LEPR: variants seen among roughly 807,000 people sequenced by gnomAD.
LEPR encodes the protein leptin receptor, also known as OB receptor.
A neutral mutation model predicts 114.7 loss-of-function variants in LEPR; 56 were observed. The ratio of observed to expected loss-of-function variants is 0.49; its 90% confidence interval spans 0.39 to 0.61. LEPR has a LOEUF of 0.61. LEPR is among the 20% of genes least tolerant of loss of function. LEPR has a pLI of 0.00. For missense variants in LEPR, 1,202 were observed against 1,352.9 expected (o/e 0.89, Z 1.75); for synonymous variants, 443 against 461.4 (o/e 0.96, Z 0.51).
At chr1:65,608,595 C>G (rs1351881959) in intron 11 of LEPR, among the ~76,000 whole-genome samples, 158 bp from the exon 12 acceptor site, 1 of 152,022 alleles carries the variant, frequency 6.6e-6, no homozygotes, top group Admixed American at 6.6e-5. Context: ...TTTAATATAT[C>G]ACATAAAGTA....
At chr1:65,497,402 G>A (rs533561937) in intron 2 of LEPR, among the ~76,000 whole-genome samples, 5 of 152,092 alleles carry the variant, frequency 3.3e-5, no homozygotes, top group South Asian at 2.1e-4. Context: ...TCAGATAATC[G>A]AAGGCAGAAT....
chr1:65,437,112 A>G (rs1397092389), intron 2 of LEPR, among the ~76,000 whole-genome samples: 1 of 152,196 alleles, frequency 6.6e-6, no homozygotes, highest in East Asian at 1.9e-4. Context: ...AATCCACTTA[A>G]CCACTGATGG....
chr1:65,443,672 T>C (rs1454263047), intron 2 of LEPR, among the ~76,000 whole-genome samples: 6 of 152,156 alleles, frequency 3.9e-5, no homozygotes, highest in Non-Finnish European at 7.4e-5. Context: ...TCTTTTGGAA[T>C]CCTTTCTTCA....
At chr1:65,431,334 C>T (rs1435035286) in intron 2 of LEPR, among the ~76,000 whole-genome samples, 1 of 152,202 alleles carries the variant, frequency 6.6e-6, no homozygotes, top group Non-Finnish European at 1.5e-5. Context: ...GTAAAACCAT[C>T]TACAAACCAT....
chr1:65,426,737 G>A (rs573411973), intron 2 of LEPR, among the ~76,000 whole-genome samples: 13 of 152,268 alleles, frequency 8.5e-5, no homozygotes, highest in South Asian at 6.2e-4. Context: ...CATGGCTCAC[G>A]CCTGTAATCC....
chr1:65,481,696 A>G (rs1031495313), intron 2 of LEPR, among the ~76,000 whole-genome samples: 1 of 151,978 alleles, frequency 6.6e-6, no homozygotes, highest in South Asian at 2.1e-4. Flanking sequence ...TTACAGCAAT[A>G]TGTATAGGAA....
intron 2 of LEPR, among the ~76,000 whole-genome samples, chr1:65,551,824 C>T (rs1364763356): frequency 1.3e-5 from 2 of 152,162 alleles, no homozygotes; most frequent in African/African-American, 2.4e-5. Flanking sequence ...ATCTTTCCTG[C>T]TTTCTCTTGT....
chr1:65,566,188 C>A (rs563829575), intron 3 of LEPR, among the ~76,000 whole-genome samples: 108 of 146,170 alleles, frequency 7.4e-4, no homozygotes, highest in African/African-American at 2.5e-3. Context: ...AAAAATATTT[C>A]TGTAGATTAA....
intron 2 of LEPR, among the ~76,000 whole-genome samples, chr1:65,445,935 C>G (rs1330444605): frequency 2.0e-5 from 3 of 152,112 alleles, no homozygotes; most frequent in Non-Finnish European, 4.4e-5. Flanking sequence ...TTCAATATTT[C>G]TATGCTTAAT....
At chr1:65,516,461 A>G (rs578098945) in intron 2 of LEPR, among the ~76,000 whole-genome samples, 9 of 152,108 alleles carry the variant, frequency 5.9e-5, no homozygotes, top group African/African-American at 2.2e-4. Flanking sequence ...AACAAACCAA[A>G]CCAAACCAAA....
At chr1:65,453,585 C>G (rs1419727308) in intron 2 of LEPR, among the ~76,000 whole-genome samples, 2 of 152,028 alleles carry the variant, frequency 1.3e-5, no homozygotes, top group Admixed American at 6.6e-5. Flanking sequence ...TGTAGTTGAG[C>G]GGTTTTGAGT....
At chr1:65,564,856 A>G (rs927774291) in intron 2 of LEPR, among the ~76,000 whole-genome samples, 3 of 152,160 alleles carry the variant, frequency 2.0e-5, no homozygotes, top group Admixed American at 6.5e-5. Context: ...TTATACTACT[A>G]TTTGGATTTA....
At chr1:65,579,214 A>T (rs1309855123) in intron 5 of LEPR, among the ~76,000 whole-genome samples, 4 of 152,204 alleles carry the variant, frequency 2.6e-5, no homozygotes, top group Non-Finnish European at 5.9e-5. Flanking sequence ...TGACTGAGTT[A>T]TAAATCTCTA....
intron 2 of LEPR, among the ~76,000 whole-genome samples, chr1:65,543,213 T>C (rs1255703331): frequency 1.3e-5 from 2 of 152,066 alleles, no homozygotes; most frequent in African/African-American, 4.8e-5. Context: ...AAATGACCAG[T>C]GATGATGAGC....
In LEPR at chr1:65,592,666, G is replaced by A. The variant is rs190058080; in HGVS notation, c.504G>A (p.Val168=). 5 of 1,612,916 alleles carry A rather than the reference G, an allele frequency of 3.1e-6. No individual in the cohort carries two copies. The African/African-American group carries it at 5.3e-5, about 17-fold the overall frequency. The change falls in exon 6 of 20, where the codon GTG becomes GTA. Residue 168 remains valine, a synonymous_variant. Coordinates refer to ENST00000349533, the MANE Select transcript of LEPR (RefSeq NM_002303.6). ...TTATTTTTCAATATAGGCCTGAAGT[G>A]TTAGAAGATTCACCTCTGGTTCCCC... ...KVHLLYVLPE[V]LEDSPLVPQK...
chr1:65,456,780 G>A (rs893605982), intron 2 of LEPR, among the ~76,000 whole-genome samples: 1 of 152,076 alleles, frequency 6.6e-6, no homozygotes, highest in Non-Finnish European at 1.5e-5. Context: ...TCTTTGATTG[G>A]TGCATTAGAC....
Position 65,542,417 on chromosome 1 carries a change from T to G in LEPR, c.-20-23129T>G, listed in dbSNP as rs183816799. Among the ~76,000 whole-genome samples, 14 of 152,232 alleles carry G rather than the reference T, an allele frequency of 9.2e-5. No individual in the cohort carries two copies. In the East Asian group the frequency reaches 2.5e-3, roughly 27 times the overall value. On this transcript the variant is annotated intron_variant, in intron 2 of 19. Coordinates refer to ENST00000349533, the MANE Select transcript of LEPR (RefSeq NM_002303.6). ...GTTCCAGAGAATATATTAAAATACT[T>G]GTTTTTCAGAAGTCTAATATGGATG...
intron 19 of LEPR, 44 bp from the exon 20 acceptor site, chr1:65,636,147 A>T (rs748344003): frequency 4.3e-6 from 7 of 1,611,216 alleles, no homozygotes; most frequent in African/African-American, 1.3e-5. Context: ...ATGAAGCAAA[A>T]TTTTTTAACA....
Position 65,633,972 on chromosome 1 carries a change from T to G in LEPR, c.2674-2219T>G. ...CTTTCTTGTTTAATTATGACCTAAA[T>G]CTAATTTACTTCCACTGAACCATCC... On this transcript the variant is annotated intron_variant, in intron 19 of 19. Transcript: ENST00000349533. The surrounding 1 kb of genome is among the most constrained non-coding windows in gnomAD (Gnocchi z 4.1). 1.0e-6 allele frequency: 1 copy of G among 985,360 alleles called. No individual in the cohort carries two copies. Among genetic ancestry groups the G allele is most frequent in the Non-Finnish European group, 1.2e-6 (1 of 829,918 alleles). 61.0% of individuals were successfully genotyped at this position (985,360 alleles called of 1,614,324 possible). A position where few individuals can be genotyped will look rare whatever the true frequency, so the allele number is the denominator to read the frequency against.
Sources: allele counts gnomAD v4.1 joint callset (sites outside exome capture counted in the v4.1 genomes callset), GRCh38; gene constraint gnomAD v4.1.1; non-coding constraint Gnocchi (gnomAD v3.1); transcripts MANE v1.5; gene names NCBI Gene and HGNC (gene_info 2026-07-23, HGNC 2026-07-21).